The following NMNAT3 variants were observed in gnomAD, a reference collection of about 807,000 sequenced individuals.
NMNAT3 encodes nicotinamide/nicotinic acid mononucleotide adenylyltransferase 3.
Under a neutral mutation model 24.8 loss-of-function variants are expected in NMNAT3, and 21 were observed. That is an observed-to-expected ratio of 0.85 (90% CI 0.60 to 1.22). The LOEUF is 1.22. Among genes scored for constraint, NMNAT3 ranks in the 50% most tolerant of loss-of-function variants. NMNAT3 has a pLI of 0.00. For missense variants in NMNAT3, 387 were observed against 436.6 expected (o/e 0.89, Z 1.01); for synonymous variants, 136 against 155.2 (o/e 0.88, Z 0.92).
chr3:139,632,374 C>G (rs1298161532), intron 2 of NMNAT3, among the ~76,000 whole-genome samples: 1 of 152,188 alleles, frequency 6.6e-6, no homozygotes, highest in Non-Finnish European at 1.5e-5. Context: ...CCACCATGAT[C>G]CTGTCAACAG....
intron 6 of NMNAT3, chr3:139,566,084 G>GT (rs1937147462): frequency 6.6e-6 from 1 of 151,922 alleles, no homozygotes. Flanking sequence ...TCTCATTGTG[G>GT]TTTTGATTTG....
In NMNAT3 at chr3:139,654,725, A is replaced by G. The variant is rs143607118; in HGVS notation, c.-140-16663T>C. Among the ~76,000 whole-genome samples, 141 of 152,366 alleles carry G rather than the reference A, an allele frequency of 9.3e-4. 5 individuals carry two copies. The East Asian group carries it at 0.025, about 27-fold the overall frequency. On this transcript the variant is annotated intron_variant, in intron 1 of 6. Transcript: ENST00000643695. ...AATGCATTATAGGATTTATGTTATCAATGACTCTATGTCATAACTGTGCTT... is the reference window on the plus strand; with the variant it reads ...AATGCATTATAGGATTTATGTTATCGATGACTCTATGTCATAACTGTGCTT...
chr3:139,571,859 G>A (rs145901174), intron 6 of NMNAT3, among the ~76,000 whole-genome samples: 5 of 152,302 alleles, frequency 3.3e-5, no homozygotes, highest in East Asian at 1.9e-4. Context: ...TGAAGTGTGC[G>A]AGGATGGTGG....
At chr3:139,665,537 G>A (rs544138974) in intron 1 of NMNAT3, among the ~76,000 whole-genome samples, 28 of 152,296 alleles carry the variant, frequency 1.8e-4, no homozygotes, top group African/African-American at 6.7e-4. Flanking sequence ...GTGGGAAGAG[G>A]ATGACCATGC....
chr3:139,568,453 C>G (rs928580126), intron 6 of NMNAT3: 1 of 152,198 alleles, frequency 6.6e-6, no homozygotes, highest in Non-Finnish European at 1.5e-5. Flanking sequence ...AATTTTGGAT[C>G]TTTCCTGCTT....
intron 3 of NMNAT3, among the ~76,000 whole-genome samples, chr3:139,600,257 A>T (rs1450168610): frequency 1.3e-5 from 2 of 152,070 alleles, no homozygotes; most frequent in Non-Finnish European, 2.9e-5. Flanking sequence ...ACAACAAAGC[A>T]GCAATATTTC....
intron 3 of NMNAT3, among the ~76,000 whole-genome samples, chr3:139,613,923 T>C (rs1457735034): frequency 6.7e-6 from 1 of 149,294 alleles, no homozygotes; most frequent in Non-Finnish European, 1.5e-5. Context: ...CACTCATAGG[T>C]GGGAATTGAA....
intron 3 of NMNAT3, among the ~76,000 whole-genome samples, chr3:139,626,247 T>G (rs1430626807): frequency 1.3e-5 from 2 of 152,144 alleles, no homozygotes; most frequent in African/African-American, 4.8e-5. Flanking sequence ...CAATTCCAAG[T>G]ATATTAAGCT....
chr3:139,636,902 A>T (rs930548829), intron 2 of NMNAT3: 1 of 152,236 alleles, frequency 6.6e-6, no homozygotes, highest in Admixed American at 6.5e-5. Flanking sequence ...CAGAAAGAAC[A>T]TGAGGGCAAG....
intron 1 of NMNAT3, among the ~76,000 whole-genome samples, chr3:139,654,125 C>T (rs2057155593): frequency 6.6e-6 from 1 of 152,192 alleles, no homozygotes; most frequent in Non-Finnish European, 1.5e-5. Context: ...CTTAGCTCCC[C>T]TTTACTTCCC....
chr3:139,616,256 A>G (rs1415452784), intron 3 of NMNAT3, among the ~76,000 whole-genome samples: 1 of 152,156 alleles, frequency 6.6e-6, no homozygotes, highest in Non-Finnish European at 1.5e-5. Context: ...CCAATACTAA[A>G]TTCTTAACAC....
At chr3:139,619,467 C>T (rs766007826) in intron 3 of NMNAT3, among the ~76,000 whole-genome samples, 4 of 152,074 alleles carry the variant, frequency 2.6e-5, no homozygotes, top group Admixed American at 6.6e-5. Flanking sequence ...TATCTATGTA[C>T]GCTGTGGTTA....
intron 3 of NMNAT3, among the ~76,000 whole-genome samples, chr3:139,588,019 A>G (rs947524976): frequency 2.0e-5 from 3 of 152,140 alleles, no homozygotes; most frequent in African/African-American, 7.2e-5. Context: ...ATGCTTTTTT[A>G]TAGCACCCAG....
intron 6 of NMNAT3, 97 bp from the exon 7 acceptor site, chr3:139,561,489 G>T (rs1936377151): frequency 5.5e-6 from 5 of 913,142 alleles, no homozygotes; most frequent in African/African-American, 3.3e-5. Context: ...TTTCTTGGAT[G>T]TATCGAGAAC....
chr3:139,628,526 G>A (rs1056947535), intron 2 of NMNAT3, among the ~76,000 whole-genome samples: 1 of 152,192 alleles, frequency 6.6e-6, no homozygotes, highest in Non-Finnish European at 1.5e-5. Context: ...ATTATCTAAT[G>A]TGCAGACTGT....
intron 4 of NMNAT3, chr3:139,582,908 AT>A (rs1307508723): frequency 9.5e-6 from 13 of 1,371,166 alleles, no homozygotes; most frequent in African/African-American, 4.5e-5. Context: ...GTCCAAAAAA[AT>A]ATATATATAT....
At chr3:139,625,646 A>G (rs1338387625) in intron 3 of NMNAT3, among the ~76,000 whole-genome samples, 1 of 152,152 alleles carries the variant, frequency 6.6e-6, no homozygotes, top group Non-Finnish European at 1.5e-5. Context: ...TAAATCCCAC[A>G]ATGTATTGTT....
At chr3:139,673,435 C>A (rs552946309) in intron 1 of NMNAT3, among the ~76,000 whole-genome samples, 1 of 152,252 alleles carries the variant, frequency 6.6e-6, no homozygotes, top group Admixed American at 6.5e-5. Context: ...CAGCATACAC[C>A]ACTGCTTACC....
At chr3:139,594,439 G>A (rs2054348570) in intron 3 of NMNAT3, among the ~76,000 whole-genome samples, 1 of 152,072 alleles carries the variant, frequency 6.6e-6, no homozygotes, top group Non-Finnish European at 1.5e-5. Context: ...AGAAAAAGAG[G>A]GAATCCTCCC....
Sources: gnomAD v4.1 joint callset for allele counts (sites outside exome capture counted in the v4.1 genomes callset) on GRCh38, gnomAD v4.1.1 for gene constraint, MANE v1.5 for transcripts, NCBI Gene and HGNC (gene_info 2026-07-23, HGNC 2026-07-21) for gene names.